Variants in CCSER1 observed in about 807,000 individuals in gnomAD.
CCSER1 encodes serine-rich coiled-coil domain-containing protein 1.
Under a neutral mutation model 82.0 loss-of-function variants are expected in CCSER1, and 41 were observed. The ratio of observed to expected loss-of-function variants is 0.50; its 90% CI spans 0.39 to 0.65. The LOEUF (loss-of-function observed/expected upper bound fraction) is 0.65. CCSER1 is among the 30% of genes least tolerant of loss of function. CCSER1 has a pLI of 0.00. For synonymous variants in CCSER1, 414 were observed against 383.9 expected (o/e 1.08, Z -0.92); for missense variants, 1,119 against 1,064.2 (o/e 1.05, Z -0.72).
chr4:90,489,680 C>A (rs114659506), intron 5 of CCSER1, among the ~76,000 whole-genome samples: 2 of 152,180 alleles, frequency 1.3e-5, no homozygotes, highest in Non-Finnish European at 2.9e-5. Context: ...CTCCACCCAA[C>A]CCCATGACAG....
intron 1 of CCSER1, among the ~76,000 whole-genome samples, chr4:90,283,253 T>G (rs891693257): frequency 6.6e-6 from 1 of 152,022 alleles, no homozygotes; most frequent in African/African-American, 2.4e-5. Context: ...TTTGAATGAT[T>G]ATGTGGCATT....
intron 5 of CCSER1, among the ~76,000 whole-genome samples, chr4:90,473,341 A>G (rs1317307182): frequency 1.3e-5 from 2 of 152,174 alleles, no homozygotes; most frequent in Non-Finnish European, 2.9e-5. Context: ...AAATTATTCT[A>G]TTACTTCTTT....
At chr4:91,191,276 G>T (rs911067241) in intron 10 of CCSER1, among the ~76,000 whole-genome samples, 8 of 151,988 alleles carry the variant, frequency 5.3e-5, no homozygotes, top group African/African-American at 1.9e-4. Flanking sequence ...TATTTCTGTT[G>T]TATCTTCAAT....
chr4:90,758,288 T>G (rs1030689910), intron 7 of CCSER1, among the ~76,000 whole-genome samples: 5 of 152,188 alleles, frequency 3.3e-5, no homozygotes, highest in African/African-American at 1.2e-4. Flanking sequence ...CTGAATTATA[T>G]TTTTGTATTA....
At position 91,496,631 on chromosome 4, in the gene CCSER1, AATATAT is replaced by A. The variant is rs376815582; in HGVS notation, c.2218-101934_2218-101929del. Among the ~76,000 whole-genome samples, 30 of 22,480 alleles carry A rather than the reference AATATAT, an allele frequency of 1.3e-3. 8 individuals are homozygous for A. The highest frequency in any genetic ancestry group is 3.1e-3 in the Non-Finnish European group (30 of 9,684). 14.7% of individuals were successfully genotyped at this position (22,480 alleles called of 152,430 possible). A position where few individuals can be genotyped will look rare whatever the true frequency, so the allele number is the denominator to read the frequency against. On this transcript the variant is annotated intron_variant, in intron 10 of 10. Coordinates refer to ENST00000509176, the MANE Select transcript of CCSER1 (RefSeq NM_001145065.2). The stretch of plus-strand genomic sequence containing the variant: ...ATATATATACACGAATATATATTTG[AATATAT>A]ATATATTCAATATATATTGAATATA...
At chr4:90,714,390 T>G (rs1279549384) in intron 6 of CCSER1, among the ~76,000 whole-genome samples, 1 of 151,990 alleles carries the variant, frequency 6.6e-6, no homozygotes, top group Admixed American at 6.6e-5. Flanking sequence ...GACTGTCAGT[T>G]AAATGTCGTT....
At chr4:91,024,647 GAAAAT>G (rs1370656909) in intron 9 of CCSER1, among the ~76,000 whole-genome samples, 1 of 151,862 alleles carries the variant, frequency 6.6e-6, no homozygotes, top group African/African-American at 2.4e-5. Flanking sequence ...ACAGTAAAAA[GAAAAT>G]AAAGTACTGA....
chr4:91,079,984 C>G (rs780831034), intron 9 of CCSER1, among the ~76,000 whole-genome samples: 13 of 152,076 alleles, frequency 8.5e-5, no homozygotes, highest in Middle Eastern at 3.2e-3. Flanking sequence ...TTTAACAACC[C>G]CCTGTCAACA....
chr4:90,156,817 C>T (rs907733629), intron 1 of CCSER1, among the ~76,000 whole-genome samples: 1 of 152,170 alleles, frequency 6.6e-6, no homozygotes, highest in African/African-American at 2.4e-5. Flanking sequence ...TGGGTCTTGA[C>T]TCTTTATCCA....
At chr4:90,901,360 C>T (rs1009947426) in intron 8 of CCSER1, among the ~76,000 whole-genome samples, 2 of 151,850 alleles carry the variant, frequency 1.3e-5, no homozygotes, top group African/African-American at 2.4e-5. Context: ...TTTGTAGTCT[C>T]AATTGTATAA....
intron 8 of CCSER1, among the ~76,000 whole-genome samples, chr4:90,846,738 G>A (rs1211306372): frequency 1.2e-5 from 1 of 85,044 alleles, no homozygotes; most frequent in African/African-American, 5.3e-5. Flanking sequence ...ATTCTTCCCA[G>A]CCTCTTGATA....
intron 6 of CCSER1, among the ~76,000 whole-genome samples, chr4:90,694,088 C>A (rs1000454823): frequency 2.0e-5 from 3 of 151,782 alleles, no homozygotes; most frequent in Non-Finnish European, 2.9e-5. Context: ...TAGTCTTAAC[C>A]AGGATAAATG....
intron 7 of CCSER1, among the ~76,000 whole-genome samples, chr4:90,766,771 C>A (rs886266180): frequency 1.3e-5 from 2 of 152,002 alleles, no homozygotes; most frequent in African/African-American, 4.8e-5. Flanking sequence ...TCTCTATATT[C>A]ACACATTTTG....
intron 5 of CCSER1, among the ~76,000 whole-genome samples, chr4:90,478,358 T>C (rs150575852): frequency 6.6e-5 from 10 of 152,322 alleles, no homozygotes; most frequent in African/African-American, 2.4e-4. Context: ...TCTCACTAGA[T>C]ATTAAAGACA....
chr4:91,385,489 G>A (rs1359819606), intron 10 of CCSER1, among the ~76,000 whole-genome samples: 1 of 151,856 alleles, frequency 6.6e-6, no homozygotes, highest in African/African-American at 2.4e-5. Context: ...ATGCTTTTCT[G>A]CATTGTTCTG....
At chr4:90,431,999 T>C (rs1329962160) in intron 4 of CCSER1, among the ~76,000 whole-genome samples, 3 of 152,076 alleles carry the variant, frequency 2.0e-5, no homozygotes, top group African/African-American at 7.2e-5. Context: ...TGCACGGCAG[T>C]CCACCTTCTT....
chr4:90,166,584 A>G (rs888649631), intron 1 of CCSER1, among the ~76,000 whole-genome samples: 7 of 152,034 alleles, frequency 4.6e-5, no homozygotes, highest in Non-Finnish European at 1.0e-4. Context: ...TGTCATTCGT[A>G]TAATAAAATG....
At chr4:90,996,815 T>C (rs940769894) in intron 9 of CCSER1, among the ~76,000 whole-genome samples, 2 of 152,166 alleles carry the variant, frequency 1.3e-5, no homozygotes, top group Admixed American at 6.5e-5. Flanking sequence ...TTAAGAATAA[T>C]CTAAGTTGAT....
chr4:90,306,361 AAAT>A (rs1734271853), intron 1 of CCSER1, among the ~76,000 whole-genome samples: 1 of 151,566 alleles, frequency 6.6e-6, no homozygotes, highest in Non-Finnish European at 1.5e-5. Context: ...TCACTACAAA[AAAT>A]GATATGTATA....
Sources: allele counts gnomAD v4.1 joint callset (sites outside exome capture counted in the v4.1 genomes callset), GRCh38; gene constraint gnomAD v4.1.1; transcripts MANE v1.5; gene names NCBI Gene and HGNC (gene_info 2026-07-23, HGNC 2026-07-21).